Variants in GRIA3 observed in about 807,000 individuals in gnomAD.
GRIA3 encodes glutamate receptor 3.
A neutral mutation model predicts 63.0 loss-of-function variants in GRIA3; 3 were observed. That is an observed-to-expected ratio of 0.05 (90% CI 0.02 to 0.12). GRIA3 has a LOEUF of 0.12. GRIA3 is among the 10% of genes least tolerant of loss of function. The pLI, the probability that GRIA3 is intolerant of heterozygous loss-of-function variation, is 1.00. For missense variants in GRIA3, 347 were observed against 700.9 expected (o/e 0.50, Z 5.70); for synonymous variants, 274 against 257.9 (o/e 1.06, Z -0.60).
intron 3 of GRIA3, among the ~76,000 whole-genome samples, chrX:123,324,690 T>C (rs896021838): frequency 5.4e-5 from 6 of 112,149 alleles, no homozygotes; most frequent in African/African-American, 1.9e-4. Context: ...AATTGCTCAT[T>C]TGGAAATTAC....
At chrX:123,414,520 C>T (rs2045524882) in intron 10 of GRIA3, among the ~76,000 whole-genome samples, 1 of 111,126 alleles carries the variant, frequency 9.0e-6, no homozygotes, top group South Asian at 3.9e-4. Flanking sequence ...TTTGCTGCAC[C>T]AATCAACACG....
chrX:123,261,432 G>C (rs2044459700), intron 3 of GRIA3, among the ~76,000 whole-genome samples: 1 of 111,839 alleles, frequency 8.9e-6, no homozygotes, highest in African/African-American at 3.3e-5. Flanking sequence ...TCCATAAGTA[G>C]AATATTTCTC....
intron 4 of GRIA3, among the ~76,000 whole-genome samples, chrX:123,330,253 T>C (rs1413773350): frequency 1.8e-5 from 2 of 112,141 alleles, no homozygotes; most frequent in African/African-American, 6.5e-5. Flanking sequence ...CAGATAGGTT[T>C]TATCCCAAAT....
chrX:123,289,261 G>T (rs2044640954), intron 3 of GRIA3, among the ~76,000 whole-genome samples: 1 of 109,908 alleles, frequency 9.1e-6, no homozygotes. Context: ...ACACGCTGGG[G>T]CCTTTCAGGG....
At chrX:123,251,354 T>C (rs1027436590) in intron 2 of GRIA3, among the ~76,000 whole-genome samples, 2 of 112,343 alleles carry the variant, frequency 1.8e-5, no homozygotes, top group African/African-American at 6.5e-5. Flanking sequence ...ATCCCTTTTG[T>C]TTCTGAGTAT....
intron 4 of GRIA3, among the ~76,000 whole-genome samples, chrX:123,328,426 C>T (rs2044920136): frequency 8.9e-6 from 1 of 112,081 alleles, no homozygotes; most frequent in South Asian, 3.7e-4. Flanking sequence ...ACTTTCTATA[C>T]AATTTTTCAG....
chrX:123,477,188 G>A (rs1226605054), intron 13 of GRIA3, among the ~76,000 whole-genome samples: 2 of 111,722 alleles, frequency 1.8e-5, no homozygotes, highest in Non-Finnish European at 1.9e-5. Flanking sequence ...CTTTGTCCCA[G>A]GACTTCTCTA....
chrX:123,329,998 T>C (rs1350189306), intron 4 of GRIA3, among the ~76,000 whole-genome samples: 1 of 112,145 alleles, frequency 8.9e-6, no homozygotes, highest in African/African-American at 3.2e-5. Context: ...GCATGGACTC[T>C]GGAGCCAGTC....
At chrX:123,251,599 CT>C (rs59200680) in intron 2 of GRIA3, among the ~76,000 whole-genome samples, 1,781 of 110,930 alleles carry the variant, frequency 0.016, 38 homozygotes, top group African/African-American at 0.056. Flanking sequence ...CCATGCCCAG[CT>C]AATTTTCGTA....
chrX:123,261,396 A>G (rs187009855), intron 3 of GRIA3, among the ~76,000 whole-genome samples: 1 of 111,639 alleles, frequency 9.0e-6, no homozygotes, highest in African/African-American at 3.3e-5. Context: ...CAGACTCAGA[A>G]AAGCAGTTTT....
chrX:123,311,681 C>T (rs1488722113), intron 3 of GRIA3, among the ~76,000 whole-genome samples: 1 of 112,206 alleles, frequency 8.9e-6, no homozygotes, highest in East Asian at 2.8e-4. Flanking sequence ...TGACAGGAAA[C>T]ATACCATTAG....
At chrX:123,428,687 C>T (rs768700982) in intron 12 of GRIA3, among the ~76,000 whole-genome samples, 1 of 111,733 alleles carries the variant, frequency 8.9e-6, no homozygotes, top group East Asian at 2.8e-4. Context: ...TTCAGGACAG[C>T]TGATAATTGT....
intron 12 of GRIA3, among the ~76,000 whole-genome samples, chrX:123,430,313 T>C (rs1481808711): frequency 1.8e-5 from 2 of 111,847 alleles, no homozygotes; most frequent in Non-Finnish European, 3.8e-5. Flanking sequence ...CATTTTCTAG[T>C]TCTGGCATGC....
chrX:123,463,550 CGAAGGAAG>C (rs1366354631), intron 12 of GRIA3, among the ~76,000 whole-genome samples: 13 of 29,104 alleles, frequency 4.5e-4, no homozygotes, highest in South Asian at 3.2e-3. Flanking sequence ...ACGAAAGAAG[CGAAGGAAG>C]GAAGGAAGGA....
intron 12 of GRIA3, among the ~76,000 whole-genome samples, chrX:123,455,516 A>C (rs773454850): frequency 4.5e-5 from 5 of 112,033 alleles, no homozygotes; most frequent in Non-Finnish European, 7.5e-5. Context: ...GGAAGAAAAA[A>C]ATGTGTCCGA....
At chrX:123,327,825 T>TC (rs1313720455) in intron 4 of GRIA3, among the ~76,000 whole-genome samples, 1 of 94,722 alleles carries the variant, frequency 1.1e-5, no homozygotes. Context: ...ACCTGCCCCT[T>TC]CCCCCCCACA....
chrX:123,252,862 T>C (rs943012814), intron 2 of GRIA3, among the ~76,000 whole-genome samples: 5 of 112,024 alleles, frequency 4.5e-5, no homozygotes, highest in African/African-American at 9.7e-5. Context: ...GCAGACTTAT[T>C]AGCAGCTAGT....
At chrX:123,366,906 T>G (rs753602215) in intron 5 of GRIA3, among the ~76,000 whole-genome samples, 2 of 111,842 alleles carry the variant, frequency 1.8e-5, no homozygotes, top group South Asian at 7.5e-4. Context: ...GAAATTAATT[T>G]GTTTTACAGA....
At chrX:123,337,037 C>A (rs1457319008) in intron 4 of GRIA3, among the ~76,000 whole-genome samples, 5 of 111,917 alleles carry the variant, frequency 4.5e-5, no homozygotes, top group African/African-American at 1.3e-4. Context: ...CATTTAAAAG[C>A]TCTTTCTATC....
Sources: allele counts gnomAD v4.1 joint callset (sites outside exome capture counted in the v4.1 genomes callset), GRCh38; gene constraint gnomAD v4.1.1; transcripts MANE v1.5; gene names NCBI Gene and HGNC (gene_info 2026-07-23, HGNC 2026-07-21).